The following ATP8B1 variants were observed in gnomAD, a reference collection of about 807,000 sequenced individuals.
The protein encoded by ATP8B1 is phospholipid-transporting ATPase IC.
A neutral mutation model predicts 149.9 loss-of-function variants in ATP8B1; 80 were observed. The observed-to-expected ratio is 0.53, with a 90% CI of 0.45 to 0.64. The LOEUF (loss-of-function observed/expected upper bound fraction) is 0.64, where lower values mean the gene tolerates loss of function less well. Ranked by LOEUF, ATP8B1 falls within the 30% of genes least tolerant of loss-of-function variation. ATP8B1 has a pLI of 0.00. For synonymous variants in ATP8B1, 536 were observed against 562.8 expected (o/e 0.95, Z 0.67); for missense variants, 1,247 against 1,552.6 (o/e 0.80, Z 3.31).
At chr18:57,713,468 T>A (rs1913835944) in intron 2 of ATP8B1, among the ~76,000 whole-genome samples, 1 of 149,216 alleles carries the variant, frequency 6.7e-6, no homozygotes, top group East Asian at 2.0e-4. Context: ...AGCTAATTTT[T>A]AAAAATTTTT....
At chr18:57,676,717 C>CAAAAAAAAAA (rs58101846) in intron 15 of ATP8B1, among the ~76,000 whole-genome samples, 9 of 92,204 alleles carry the variant, frequency 9.8e-5, no homozygotes, top group South Asian at 3.9e-4. Flanking sequence ...GACTCCATTT[C>CAAAAAAAAAA]AAAAAAAAAA....
chr18:57,688,334 G>C lies in ATP8B1; in HGVS notation c.1394C>G (p.Thr465Ser). The C allele has an allele frequency of 1.2e-6, 2 of 1,614,140 alleles. 1 individual carries two copies. The highest frequency in any genetic ancestry group is 2.2e-5 in the South Asian group (2 of 91,074). ...KTGTLTQNIMTFKKCCINGQI... is the reference protein window; with the variant it reads ...KTGTLTQNIMSFKKCCINGQI... Reference sequence around the variant, plus strand: ...CCCGTTGATACAGCACTTTTTAAAGGTCATGATATTTTGTGTGAGTGTCCC... The same window carrying C: ...CCCGTTGATACAGCACTTTTTAAAGCTCATGATATTTTGTGTGAGTGTCCC... The change falls in exon 13 of 28, where the codon ACC (threonine) becomes AGC (serine). Residue 465 changes from threonine (T) to serine (S), a missense_variant. Thr to Ser is a moderately conservative substitution (Grantham distance 58). Around this residue, in one of 3 missense-constraint regions of ATP8B1, gnomAD observed 853 missense variants for 1,035.7 expected, o/e 0.82. Transcript: ENST00000648908.
intron 2 of ATP8B1, among the ~76,000 whole-genome samples, chr18:57,722,311 T>C (rs1355601533): frequency 6.6e-6 from 1 of 150,614 alleles, no homozygotes; most frequent in Non-Finnish European, 1.5e-5. Context: ...ATCCAGGAGC[T>C]GGTTTTTTGA....
At chr18:57,658,030 G>A (rs184613034) in intron 22 of ATP8B1, among the ~76,000 whole-genome samples, 197 of 151,418 alleles carry the variant, frequency 1.3e-3, no homozygotes, top group Non-Finnish European at 2.1e-3. Context: ...ATATTTCCTC[G>A]CTACAGCAAT....
At chr18:57,746,637 A>G (rs1170856470) in intron 1 of ATP8B1, among the ~76,000 whole-genome samples, 1 of 151,752 alleles carries the variant, frequency 6.6e-6, no homozygotes, top group African/African-American at 2.4e-5. Context: ...CACCAAGCCC[A>G]GCTAATTTTT....
At chr18:57,795,219 A>G (rs1217137547) in intron 1 of ATP8B1, among the ~76,000 whole-genome samples, 3 of 150,676 alleles carry the variant, frequency 2.0e-5, no homozygotes, top group African/African-American at 7.3e-5. Flanking sequence ...ATCGAGACAC[A>G]CAGACACACA....
chr18:57,739,430 T>C (rs1026556897), intron 1 of ATP8B1, among the ~76,000 whole-genome samples: 2 of 152,230 alleles, frequency 1.3e-5, no homozygotes, highest in Non-Finnish European at 2.9e-5. Flanking sequence ...CTAACACTTA[T>C]CATGATTTGT....
intron 2 of ATP8B1, among the ~76,000 whole-genome samples, chr18:57,730,678 T>A (rs955750122): frequency 7.2e-5 from 11 of 152,178 alleles, no homozygotes; most frequent in African/African-American, 2.4e-4. Context: ...CACTCAACAT[T>A]GGCAGAGACC....
chr18:57,747,331 C>T (rs1184043769), intron 1 of ATP8B1, among the ~76,000 whole-genome samples: 1 of 151,894 alleles, frequency 6.6e-6, no homozygotes, highest in African/African-American at 2.4e-5. Context: ...CAGGCACCTG[C>T]AATCCCAGCT....
chr18:57,719,900 A>G (rs2079624697), intron 2 of ATP8B1, among the ~76,000 whole-genome samples: 1 of 152,206 alleles, frequency 6.6e-6, no homozygotes, highest in African/African-American at 2.4e-5. Context: ...TGGAGATCTG[A>G]GAACCAACAG....
chr18:57,755,414 T>C (rs148689590), intron 1 of ATP8B1: 6 of 152,206 alleles, frequency 3.9e-5, no homozygotes, highest in East Asian at 1.9e-4. Context: ...CGGCAGCACA[T>C]ATACTAAAAT....
chr18:57,764,958 G>A (rs1246603596), intron 1 of ATP8B1, among the ~76,000 whole-genome samples: 1 of 152,124 alleles, frequency 6.6e-6, no homozygotes, highest in East Asian at 1.9e-4. Context: ...AAGAATTGAA[G>A]GCAGGAATCC....
intron 15 of ATP8B1, among the ~76,000 whole-genome samples, chr18:57,677,864 A>C (rs1217490731): frequency 6.6e-6 from 1 of 152,222 alleles, no homozygotes; most frequent in Non-Finnish European, 1.5e-5. Context: ...CCAGCAGAGA[A>C]AAGGAACAAA....
chr18:57,742,718 G>T (rs2079928288), intron 1 of ATP8B1, among the ~76,000 whole-genome samples: 1 of 151,952 alleles, frequency 6.6e-6, no homozygotes, highest in African/African-American at 2.4e-5. Context: ...CAGCTACTTG[G>T]GAGGCTGAGG....
At chr18:57,714,963 G>A (rs2079570536) in intron 2 of ATP8B1, among the ~76,000 whole-genome samples, 2 of 152,104 alleles carry the variant, frequency 1.3e-5, no homozygotes, top group Admixed American at 1.3e-4. Context: ...GACACCAGGG[G>A]CCAAACCTGC....
chr18:57,704,118 C>T (rs1913267993), intron 4 of ATP8B1, among the ~76,000 whole-genome samples: 1 of 152,018 alleles, frequency 6.6e-6, no homozygotes, highest in African/African-American at 2.4e-5. Flanking sequence ...AGGCATGCAC[C>T]ATCACGCCTG....
intron 1 of ATP8B1, among the ~76,000 whole-genome samples, chr18:57,738,253 T>C (rs957089324): frequency 6.6e-6 from 1 of 152,086 alleles, no homozygotes; most frequent in East Asian, 1.9e-4. Flanking sequence ...AGGTGCAGAG[T>C]ACTACACTAG....
chr18:57,731,739 G>A lies in ATP8B1; in HGVS notation c.69C>T (p.Pro23=), dbSNP rs753439228. The A allele has an allele frequency of 6.2e-7, 1 of 1,614,056 alleles. No individual in the cohort carries two copies. Among genetic ancestry groups the A allele is most frequent in the Admixed American group, 1.7e-5 (1 of 59,994 alleles). ...EDSQPNDEVV[P]YSDDETEDEL... ...CATCTTCTGTTTCATCATCACTGTA[G>A]GGAACCACTTCGTCATTAGGCTGAG... The change falls in exon 2 of 28, where the codon CCC becomes CCT. Residue 23 remains proline (P), a synonymous_variant. Coordinates refer to ENST00000648908, the MANE Select transcript of ATP8B1 (RefSeq NM_001374385.1).
At chr18:57,689,483 A>T (rs1912422080) in intron 12 of ATP8B1, among the ~76,000 whole-genome samples, 1 of 152,232 alleles carries the variant, frequency 6.6e-6, no homozygotes, top group African/African-American at 2.4e-5. Flanking sequence ...AGCAATTGTT[A>T]GGTGGGCCAA....
Sources: allele counts gnomAD v4.1 joint callset (sites outside exome capture counted in the v4.1 genomes callset), GRCh38; gene constraint gnomAD v4.1.1; regional missense constraint gnomAD v4.1.1; transcripts MANE v1.5; gene names NCBI Gene and HGNC (gene_info 2026-07-23, HGNC 2026-07-21).